PRKAR1B: variants seen among roughly 807,000 people sequenced by gnomAD.
PRKAR1B encodes protein kinase cAMP-dependent type I regulatory subunit beta, also known as cAMP-dependent protein kinase type I-beta regulatory subunit.
A neutral mutation model predicts 46.5 loss-of-function variants in PRKAR1B; 22 were observed. The observed-to-expected ratio is 0.47, with a 90% CI of 0.34 to 0.68. The LOEUF is 0.68. Ranked by LOEUF, PRKAR1B falls within the 30% of genes least tolerant of loss-of-function variation. The probability of loss-of-function intolerance (pLI) is 0.01; values close to 1 mark genes in which losing one functional copy is unlikely to be tolerated. For missense variants in PRKAR1B, 445 were observed against 535.6 expected (o/e 0.83, Z 1.67); for synonymous variants, 259 against 217.7 (o/e 1.19, Z -1.67).
chr7:552,562 C>T (rs551896739), intron 9 of PRKAR1B, among the ~76,000 whole-genome samples: 61 of 152,364 alleles, frequency 4.0e-4, no homozygotes, highest in African/African-American at 1.4e-3. Flanking sequence ...CTCCCGTTCC[C>T]GGCACCTGTG....
intron 4 of PRKAR1B, among the ~76,000 whole-genome samples, chr7:635,256 G>C (rs977019340): frequency 6.6e-6 from 1 of 152,246 alleles, no homozygotes; most frequent in Non-Finnish European, 1.5e-5. Context: ...AGGGGTCCCT[G>C]TGGGCCCCAA....
At position 619,824 on chromosome 7, in the gene PRKAR1B, TTTTC is replaced by T. The variant is rs1783017537; in HGVS notation, c.441-12376_441-12373del. Among the ~76,000 whole-genome samples, 8 of 152,058 alleles carry T rather than the reference TTTTC, an allele frequency of 5.3e-5. No homozygotes were observed. In the South Asian group the frequency reaches 1.2e-3, roughly 24 times the overall value. On this transcript the variant is annotated intron_variant, in intron 4 of 10. Transcript: ENST00000537384. The stretch of plus-strand genomic sequence containing the variant: ...GCAAATTTTTATTCTTTCCTTTCCT[TTTTC>T]TTTCTGTTGTTTTGTTTTTTGTTTT...
At chr7:561,616 G>A (rs1325633440) in intron 9 of PRKAR1B, among the ~76,000 whole-genome samples, 1 of 152,204 alleles carries the variant, frequency 6.6e-6, no homozygotes, top group Admixed American at 6.5e-5. Flanking sequence ...CCGCTCCTCA[G>A]GCCCGGCTGG....
chr7:683,051 G>T (rs9648262), intron 2 of PRKAR1B, among the ~76,000 whole-genome samples: 22,498 of 152,206 alleles, frequency 0.15, 1,886 homozygotes, highest in South Asian at 0.24. Flanking sequence ...ATCAGGCAGG[G>T]CCTTGCGTCA....
intron 7 of PRKAR1B, among the ~76,000 whole-genome samples, chr7:590,432 C>T (rs1010973371): frequency 9.9e-5 from 15 of 152,012 alleles, no homozygotes; most frequent in African/African-American, 3.4e-4. Context: ...GTGTGGCCCT[C>T]GCGTGCCCAG....
intron 4 of PRKAR1B, among the ~76,000 whole-genome samples, chr7:660,328 G>A (rs571022625): frequency 6.6e-6 from 1 of 151,976 alleles, no homozygotes; most frequent in East Asian, 1.9e-4. Context: ...CACCTCCCCG[G>A]GTGCCACAGG....
intron 7 of PRKAR1B, among the ~76,000 whole-genome samples, chr7:588,124 C>A (rs1780704302): frequency 6.6e-6 from 1 of 152,216 alleles, no homozygotes; most frequent in South Asian, 2.1e-4. Flanking sequence ...CCTGGAGCTG[C>A]ACCAAGCTTC....
intron 7 of PRKAR1B, among the ~76,000 whole-genome samples, chr7:595,244 C>T (rs909509030): frequency 3.3e-5 from 5 of 152,198 alleles, no homozygotes; most frequent in African/African-American, 4.8e-5. Context: ...GGGCTGCTTC[C>T]GGCACCCGGG....
intron 4 of PRKAR1B, among the ~76,000 whole-genome samples, chr7:655,495 C>T (rs1268570555): frequency 6.6e-6 from 1 of 152,182 alleles, no homozygotes; most frequent in East Asian, 1.9e-4. Flanking sequence ...CTTTTCCAGG[C>T]CCCCCTCCAA....
chr7:705,217 C>A (rs1045705169), intron 2 of PRKAR1B, among the ~76,000 whole-genome samples: 10 of 151,092 alleles, frequency 6.6e-5, no homozygotes, highest in African/African-American at 2.4e-4. Context: ...GCTTGAAAAT[C>A]ACCTGAACGC....
chr7:693,337 G>T (rs1213733031), intron 2 of PRKAR1B, among the ~76,000 whole-genome samples: 1 of 151,118 alleles, frequency 6.6e-6, no homozygotes, highest in Admixed American at 6.6e-5. Flanking sequence ...CACATTCACC[G>T]TGCTGTGCAA....
At chr7:603,704 G>C (rs571376309) in intron 6 of PRKAR1B, among the ~76,000 whole-genome samples, 4 of 145,494 alleles carry the variant, frequency 2.7e-5, no homozygotes, top group East Asian at 4.1e-4. Context: ...AGAGTGGAGG[G>C]GATGGGGGAG....
At chr7:693,542 C>T (rs760689303) in intron 2 of PRKAR1B, among the ~76,000 whole-genome samples, 3 of 152,152 alleles carry the variant, frequency 2.0e-5, no homozygotes, top group Admixed American at 6.5e-5. Flanking sequence ...ACTGGCATTA[C>T]GTGTCCCAGG....
At chr7:625,093 G>C (rs1783313623) in intron 4 of PRKAR1B, among the ~76,000 whole-genome samples, 1 of 152,150 alleles carries the variant, frequency 6.6e-6, no homozygotes, top group Non-Finnish European at 1.5e-5. Context: ...TAAACTAGAA[G>C]TCAGTAACAG....
At chr7:681,100 G>T (rs1011669641) in intron 2 of PRKAR1B, among the ~76,000 whole-genome samples, 2 of 152,016 alleles carry the variant, frequency 1.3e-5, no homozygotes, top group Non-Finnish European at 2.9e-5. Context: ...GATCTGATGG[G>T]TTTCCAAGGG....
intron 4 of PRKAR1B, among the ~76,000 whole-genome samples, chr7:653,196 G>A (rs1257723966): frequency 6.6e-6 from 1 of 152,206 alleles, no homozygotes; most frequent in Non-Finnish European, 1.5e-5. Context: ...AACTACACAA[G>A]TGGGGAGCCA....
rs992683667 is a variant in PRKAR1B, at chr7:673,045, TAAAA to T, written c.440+4180_440+4183del. On this transcript the variant is annotated intron_variant, in intron 4 of 10. Coordinates refer to ENST00000537384, the MANE Select transcript of PRKAR1B (RefSeq NM_001164760.2). ...GGGTGAGAGAGTAAGGCCTTGTCTT[TAAAA>T]AAAAAAAAAAAAAAAAAAAAAAAAA... Among the ~76,000 whole-genome samples the T allele has an allele frequency of 2.3e-3, 62 of 26,532 alleles. 1 individual carries two copies. The highest frequency in any genetic ancestry group is 7.2e-3 in the South Asian group (2 of 276). 17.4% of individuals were successfully genotyped at this position (26,532 alleles called of 152,430 possible).
At chr7:555,837 C>T (rs535927352) in intron 9 of PRKAR1B, among the ~76,000 whole-genome samples, 1 of 152,320 alleles carries the variant, frequency 6.6e-6, no homozygotes, top group East Asian at 1.9e-4. Flanking sequence ...ACCTGGCTCA[C>T]AGGCCCTGTT....
At chr7:551,824 A>G (rs377701202) in intron 9 of PRKAR1B, among the ~76,000 whole-genome samples, 8 of 64,554 alleles carry the variant, frequency 1.2e-4, no homozygotes, top group East Asian at 8.4e-4. Context: ...CCCACCTCCC[A>G]CCCAGGTCCT....
Sources: gnomAD v4.1 joint callset for allele counts (sites outside exome capture counted in the v4.1 genomes callset) on GRCh38, gnomAD v4.1.1 for gene constraint, MANE v1.5 for transcripts, NCBI Gene and HGNC (gene_info 2026-07-23, HGNC 2026-07-21) for gene names.